The following ACSS3 variants were observed in gnomAD, a reference collection of about 807,000 sequenced individuals.
ACSS3 encodes acyl-CoA synthetase short chain family member 3.
Under a neutral mutation model 84.2 loss-of-function variants are expected in ACSS3, and 64 were observed. That is an observed-to-expected ratio of 0.76 (90% CI 0.62 to 0.94). The LOEUF is 0.94. Among genes scored for constraint, ACSS3 ranks in the 40% least tolerant of loss-of-function variants. The pLI is 0.00. For missense variants in ACSS3, 815 were observed against 867.6 expected, an observed-to-expected ratio of 0.94 and a Z score of 0.76; for synonymous variants, 317 against 310.1, an observed-to-expected ratio of 1.02 and a Z score of -0.23.
At chr12:81,173,960 C>T (rs1830028056) in intron 7 of ACSS3, among the ~76,000 whole-genome samples, 1 of 148,320 alleles carries the variant, frequency 6.7e-6, no homozygotes, top group Admixed American at 6.8e-5. Context: ...TATATATATC[C>T]AAGACATTTA....
At chr12:81,213,588 TCCCCTCCCCTCCCCTCCCCTCC>T (rs2032692125) in intron 9 of ACSS3, among the ~76,000 whole-genome samples, 2 of 23,414 alleles carry the variant, frequency 8.5e-5, no homozygotes, top group Admixed American at 5.1e-4. Context: ...TCTCCTCCCC[TCCCCTCCCCTCCCCTCCCCTCC>T]CCTCCCCTCC....
intron 1 of ACSS3, among the ~76,000 whole-genome samples, chr12:81,100,967 A>G (rs1003644326): frequency 5.9e-5 from 9 of 152,234 alleles, no homozygotes; most frequent in African/African-American, 1.4e-4. Context: ...GAAGGAAGGC[A>G]ACCAAAATCA....
chr12:81,115,411 T>C (rs1883956837), intron 2 of ACSS3, among the ~76,000 whole-genome samples: 1 of 152,160 alleles, frequency 6.6e-6, no homozygotes, highest in Non-Finnish European at 1.5e-5. Context: ...TTTTCCCTGA[T>C]GACAAATGAA....
intron 4 of ACSS3, among the ~76,000 whole-genome samples, chr12:81,141,133 TCTC>T (rs1886073731): frequency 6.6e-6 from 1 of 152,196 alleles, no homozygotes; most frequent in South Asian, 2.1e-4. Context: ...GCAAGTCTCT[TCTC>T]TTTTCTTCTT....
intron 2 of ACSS3, among the ~76,000 whole-genome samples, chr12:81,114,727 T>G (rs1158998186): frequency 6.6e-6 from 1 of 152,194 alleles, no homozygotes; most frequent in Non-Finnish European, 1.5e-5. Flanking sequence ...GAAGTTATAG[T>G]CGTTCATGCA....
chr12:81,199,349 CATT>C lies in ACSS3; in HGVS notation c.1263_1265del (p.Leu421del). On this transcript the variant is annotated inframe_deletion, in exon 9 of 16. Coordinates refer to ENST00000548058, the MANE Select transcript of ACSS3 (RefSeq NM_024560.4). ...CACTGTCTCATATTCAGGTTCAAAACATTATTTGTGGCTGGAGAACGATGTGAT... is the reference window on the plus strand; with the variant it reads ...CACTGTCTCATATTCAGGTTCAAAACATTTGTGGCTGGAGAACGATGTGAT... 1 of 1,611,870 alleles carries C rather than the reference CATT, an allele frequency of 6.2e-7. No homozygotes were observed. Among genetic ancestry groups the C allele is most frequent in the Non-Finnish European group, 8.5e-7 (1 of 1,179,204 alleles).
chr12:81,078,036 G>A (rs1880723750), upstream of ACSS3: 2 of 1,375,624 alleles, frequency 1.5e-6, no homozygotes, highest in Middle Eastern at 2.6e-4. Flanking sequence ...ATTTGCCCCC[G>A]CCCCCTACTC....
rs531730428 is a variant in ACSS3, at chr12:81,210,938, G to A, written c.1355-5963G>A. 3.9e-5 allele frequency among the ~76,000 whole-genome samples: 6 copies of A among 152,220 alleles called. No homozygotes were observed. The South Asian group carries it at 1.2e-3, about 32-fold the overall frequency. ...ACATAGGCTTTTAAAATTTGGCTTTGATGGAATTTTAATTCATTTTTAATT... is the reference window on the plus strand; with the variant it reads ...ACATAGGCTTTTAAAATTTGGCTTTAATGGAATTTTAATTCATTTTTAATT... On this transcript the variant is annotated intron_variant, in intron 9 of 15. Coordinates refer to ENST00000548058, the MANE Select transcript of ACSS3 (RefSeq NM_024560.4).
chr12:81,146,105 A>G (rs1566002466), intron 5 of ACSS3, among the ~76,000 whole-genome samples: 1 of 151,980 alleles, frequency 6.6e-6, no homozygotes, highest in African/African-American at 2.4e-5. Flanking sequence ...ATTAGTTTTT[A>G]TTTATTTACT....
At chr12:81,081,465 G>C (rs139673639) in intron 1 of ACSS3, among the ~76,000 whole-genome samples, 35 of 152,300 alleles carry the variant, frequency 2.3e-4, no homozygotes, top group African/African-American at 8.4e-4. Flanking sequence ...CTATTAGAGA[G>C]ACTTCAGTGG....
intron 13 of ACSS3, among the ~76,000 whole-genome samples, chr12:81,244,357 A>G (rs1307985632): frequency 6.6e-6 from 1 of 150,390 alleles, no homozygotes; most frequent in South Asian, 2.1e-4. Context: ...TTTTTTTTAC[A>G]TTTATCTTGC....
At chr12:81,098,674 CTT>C (rs1446774097) in intron 1 of ACSS3, among the ~76,000 whole-genome samples, 5 of 152,148 alleles carry the variant, frequency 3.3e-5, no homozygotes, top group African/African-American at 1.2e-4. Flanking sequence ...AAAAGAAAGT[CTT>C]AAACATGTTA....
At chr12:81,241,993 C>T (rs1163820917) in intron 13 of ACSS3, among the ~76,000 whole-genome samples, 1 of 152,052 alleles carries the variant, frequency 6.6e-6, no homozygotes, top group Non-Finnish European at 1.5e-5. Flanking sequence ...GTCTTTAATC[C>T]ATCTTGAATT....
At chr12:81,196,938 G>T (rs960158018) in intron 8 of ACSS3, among the ~76,000 whole-genome samples, 1 of 152,062 alleles carries the variant, frequency 6.6e-6, no homozygotes, top group African/African-American at 2.4e-5. Context: ...GAGGGAACAG[G>T]TATCCTAACT....
chr12:81,186,934 A>G (rs569350176), intron 8 of ACSS3, among the ~76,000 whole-genome samples: 2 of 151,966 alleles, frequency 1.3e-5, no homozygotes, highest in South Asian at 2.1e-4. Context: ...ATCATTCACA[A>G]TAGCAAAGGG....
intron 10 of ACSS3, 146 bp downstream of exon 10, chr12:81,217,142 T>C: frequency 1.7e-6 from 1 of 571,494 alleles, no homozygotes; most frequent in Non-Finnish European, 3.1e-6. Flanking sequence ...ATGCCTTAAT[T>C]TTTGCTATCA....
chr12:81,108,270 T>TA (rs71441998), intron 1 of ACSS3, among the ~76,000 whole-genome samples: 3 of 146,076 alleles, frequency 2.1e-5, no homozygotes, highest in African/African-American at 7.6e-5. Flanking sequence ...TATTAATTAT[T>TA]ATTATTATTA....
At chr12:81,097,616 T>C (rs1295609267) in intron 1 of ACSS3, among the ~76,000 whole-genome samples, 1 of 152,234 alleles carries the variant, frequency 6.6e-6, no homozygotes, top group African/African-American at 2.4e-5. Context: ...CCATTCTACC[T>C]GTGACCATAG....
chr12:81,107,247 G>T (rs1307699479), intron 1 of ACSS3, among the ~76,000 whole-genome samples: 1 of 151,752 alleles, frequency 6.6e-6, no homozygotes, highest in Non-Finnish European at 1.5e-5. Context: ...GAGAAAACAA[G>T]ATGCAACAAA....
Sources: allele counts gnomAD v4.1 joint callset (sites outside exome capture counted in the v4.1 genomes callset), GRCh38; gene constraint gnomAD v4.1.1; transcripts MANE v1.5; gene names NCBI Gene and HGNC (gene_info 2026-07-23, HGNC 2026-07-21).